IPCEF1: variants seen among roughly 807,000 people sequenced by gnomAD.
The protein encoded by IPCEF1 is interactor protein for cytohesin exchange factors 1.
A neutral mutation model predicts 50.9 loss-of-function variants in IPCEF1; 31 were observed. The observed-to-expected ratio is 0.61, with a 90% CI of 0.46 to 0.82. The LOEUF (loss-of-function observed/expected upper bound fraction) is 0.82, where lower values mean the gene tolerates loss of function less well. Among genes scored for constraint, IPCEF1 ranks in the 40% least tolerant of loss-of-function variants. The pLI is 0.00. For missense variants in IPCEF1, 458 were observed against 514.0 expected (o/e 0.89, Z 1.05); for synonymous variants, 181 against 192.0 (o/e 0.94, Z 0.47).
At chr6:154,208,391 C>A (rs141392741) in intron 9 of IPCEF1, among the ~76,000 whole-genome samples, 29 of 152,292 alleles carry the variant, frequency 1.9e-4, no homozygotes, top group African/African-American at 6.0e-4. Flanking sequence ...AGCTCTCAGT[C>A]GGACGTGTCC....
rs192259399 is a variant in IPCEF1 at position 154,268,382 on chromosome 6, G to T, written c.-17-2418C>A. Among the ~76,000 whole-genome samples, 202 of 152,318 alleles carry T rather than the reference G, an allele frequency of 1.3e-3. 2 individuals carry two copies. Among genetic ancestry groups the T allele is most frequent in the Non-Finnish European group, 2.4e-3 (166 of 68,026 alleles). ...GGGTAGCTGCAGCAGCACCCAGGGA[G>T]CTCCATCTCAACTCAGAATCTTTCT... is the stretch of plus-strand genomic sequence containing the variant. On this transcript the variant is annotated intron_variant, in intron 2 of 11. Coordinates refer to ENST00000367220, the MANE Select transcript of IPCEF1 (RefSeq NM_001130700.2).
At chr6:154,167,789 G>A in intron 11 of IPCEF1, 131 bp downstream of exon 11, 1 of 640,316 alleles carries the variant, frequency 1.6e-6, no homozygotes, top group Non-Finnish European at 2.6e-6. Flanking sequence ...CCCTATAAAG[G>A]TTATATTTAC....
At chr6:154,180,509 C>G (rs981395578) in intron 10 of IPCEF1, among the ~76,000 whole-genome samples, 4 of 151,618 alleles carry the variant, frequency 2.6e-5, no homozygotes, top group Non-Finnish European at 5.9e-5. Context: ...CTTTCCAAGA[C>G]CCTGCCAAAT....
intron 2 of IPCEF1, among the ~76,000 whole-genome samples, chr6:154,279,847 T>C (rs887595606): frequency 1.1e-4 from 16 of 151,984 alleles, no homozygotes; most frequent in African/African-American, 3.9e-4. Context: ...AAGACAAAAA[T>C]GAGAAAAGAC....
At chr6:154,257,456 C>T (rs41329645) in intron 3 of IPCEF1, among the ~76,000 whole-genome samples, 11,382 of 152,220 alleles carry the variant, frequency 0.075, 973 homozygotes, top group East Asian at 0.47. Flanking sequence ...GAGATGCTTA[C>T]CATGTTTCTG....
At chr6:154,350,972 C>T (rs2473543) in intron 1 of IPCEF1, among the ~76,000 whole-genome samples, 54,170 of 151,782 alleles carry the variant, frequency 0.36, 10,456 homozygotes, top group Middle Eastern at 0.5. Context: ...CTCCCAACTC[C>T]GCTTCCCAAA....
At chr6:154,254,296 G>A (rs556853244) in intron 3 of IPCEF1, among the ~76,000 whole-genome samples, 3 of 152,248 alleles carry the variant, frequency 2.0e-5, no homozygotes, top group East Asian at 3.9e-4. Context: ...AAACAAAAGA[G>A]GTTTAATTGA....
chr6:154,293,888 G>A (rs1782573338), intron 1 of IPCEF1, among the ~76,000 whole-genome samples: 1 of 152,172 alleles, frequency 6.6e-6, no homozygotes, highest in African/African-American at 2.4e-5. Context: ...TGTTTCAACT[G>A]TGAAGTCTTT....
chr6:154,201,440 C>T (rs1777060996), intron 9 of IPCEF1, among the ~76,000 whole-genome samples: 1 of 152,190 alleles, frequency 6.6e-6, no homozygotes, highest in Admixed American at 6.6e-5. Context: ...TCTTGTTCCT[C>T]CATTTTTAAC....
chr6:154,174,972 C>G (rs961296657), intron 10 of IPCEF1, among the ~76,000 whole-genome samples: 4 of 152,226 alleles, frequency 2.6e-5, no homozygotes, highest in African/African-American at 9.6e-5. Flanking sequence ...AACAAACTGT[C>G]TCTCAGACCA....
chr6:154,331,367 A>G (rs796488117), intron 1 of IPCEF1, among the ~76,000 whole-genome samples: 14 of 119,426 alleles, frequency 1.2e-4, no homozygotes, highest in African/African-American at 4.7e-4. Flanking sequence ...AGAAAGAAAG[A>G]AAGGAAAGAA....
chr6:154,214,600 C>A (rs1192698785), intron 7 of IPCEF1, among the ~76,000 whole-genome samples: 1 of 152,096 alleles, frequency 6.6e-6, no homozygotes, highest in African/African-American at 2.4e-5. Flanking sequence ...ACCATCAAAT[C>A]CTTTATCACT....
In IPCEF1 at chr6:154,175,066, A is replaced by G. The variant is rs554566888; in HGVS notation, c.911-6953T>C. 3.3e-5 allele frequency among the ~76,000 whole-genome samples: 5 copies of G among 152,358 alleles called. No individual in the cohort carries two copies. The South Asian group carries it at 8.3e-4, about 25-fold the overall frequency. On this transcript the variant is annotated intron_variant, in intron 10 of 11. Transcript: ENST00000367220. The stretch of plus-strand genomic sequence containing the variant: ...TGGAAACTGAACAACCTGCTCCTGA[A>G]TGACTACTGGGTAAATAACAAAATG...
intron 2 of IPCEF1, among the ~76,000 whole-genome samples, chr6:154,273,655 T>A (rs1781953773): frequency 6.6e-6 from 1 of 151,344 alleles, no homozygotes; most frequent in South Asian, 2.1e-4. Context: ...TCAGGAACTT[T>A]ATGAAGGAGA....
intron 5 of IPCEF1, among the ~76,000 whole-genome samples, chr6:154,244,481 A>G (rs962939427): frequency 6.6e-6 from 1 of 152,212 alleles, no homozygotes; most frequent in Non-Finnish European, 1.5e-5. Flanking sequence ...ACTGTATTCA[A>G]GTACATGCTT....
intron 2 of IPCEF1, among the ~76,000 whole-genome samples, chr6:154,277,404 A>AT: frequency 6.6e-6 from 1 of 152,348 alleles, no homozygotes; most frequent in Admixed American, 6.5e-5. Flanking sequence ...CGTCAAGAAT[A>AT]GATTTGCTTT....
At chr6:154,202,034 A>G (rs191085127) in intron 9 of IPCEF1, among the ~76,000 whole-genome samples, 1 of 152,224 alleles carries the variant, frequency 6.6e-6, no homozygotes, top group East Asian at 1.9e-4. Flanking sequence ...CCTTCTTCCA[A>G]ATCAATATGG....
At chr6:154,239,806 C>G (rs141793129) in intron 5 of IPCEF1, among the ~76,000 whole-genome samples, 86 of 152,308 alleles carry the variant, frequency 5.6e-4, no homozygotes, top group African/African-American at 2.1e-3. Context: ...CATGTTCAAG[C>G]AATTCTCTTG....
chr6:154,262,862 C>A (rs563242413), intron 3 of IPCEF1, among the ~76,000 whole-genome samples: 168 of 150,682 alleles, frequency 1.1e-3, no homozygotes, highest in African/African-American at 3.8e-3. Flanking sequence ...CTGCAACCTC[C>A]ACCTCCCGGG....
Sources: allele counts gnomAD v4.1 joint callset (sites outside exome capture counted in the v4.1 genomes callset), GRCh38; gene constraint gnomAD v4.1.1; transcripts MANE v1.5; gene names NCBI Gene and HGNC (gene_info 2026-07-23, HGNC 2026-07-21).